The following RABEP1 variants were observed in gnomAD, a reference collection of about 807,000 sequenced individuals.
RABEP1 encodes the protein rabaptin, RAB GTPase binding effector protein 1, also known as rab GTPase-binding effector protein 1.
A neutral mutation model predicts 123.4 loss-of-function variants in RABEP1; 51 were observed. That is an observed-to-expected ratio of 0.41 (90% CI 0.33 to 0.52). The LOEUF (loss-of-function observed/expected upper bound fraction) is 0.52, where lower values mean the gene tolerates loss of function less well. RABEP1 is among the 20% of genes least tolerant of loss of function. The probability of loss-of-function intolerance (pLI) is 0.16; values close to 1 mark genes in which losing one functional copy is unlikely to be tolerated. For synonymous variants in RABEP1, 347 were observed against 355.2 expected (o/e 0.98, Z 0.26); for missense variants, 888 against 996.3 (o/e 0.89, Z 1.46).
chr17:5,377,594 T>C (rs1421836513), intron 14 of RABEP1, among the ~76,000 whole-genome samples: 1 of 150,696 alleles, frequency 6.6e-6, no homozygotes, highest in African/African-American at 2.4e-5. Flanking sequence ...TGGCGCGATC[T>C]TGGCTCACCG....
In RABEP1 at chr17:5,368,408, C is replaced by G; in HGVS notation, c.1824C>G (p.Ile608Met). ...ALVLRAQASE[I>M]LLEELQQGLS... The stretch of plus-strand genomic sequence containing the variant: ...TCCTAAGAGCCCAGGCCTCCGAGAT[C>G]TTACTTGAAGAGTTACAGCAGGGGC... The change falls in exon 12 of 18, where the codon ATC (isoleucine) becomes ATG (methionine). Residue 608 changes from isoleucine to methionine, a missense_variant. Coordinates refer to ENST00000537505, the MANE Select transcript of RABEP1 (RefSeq NM_004703.6). The G allele has an allele frequency of 6.2e-7, 1 of 1,613,960 alleles. No homozygotes were observed. Among genetic ancestry groups the G allele is most frequent in the Non-Finnish European group, 8.5e-7 (1 of 1,179,938 alleles).
intron 11 of RABEP1, among the ~76,000 whole-genome samples, chr17:5,367,604 G>A (rs531587293): frequency 1.3e-5 from 2 of 148,350 alleles, no homozygotes; most frequent in Non-Finnish European, 1.5e-5. Context: ...AGTATGGATA[G>A]CCAATTTCTG....
intron 13 of RABEP1, 56 bp downstream of exon 13, chr17:5,373,510 C>T (rs920971983): frequency 3.1e-5 from 47 of 1,517,592 alleles, no homozygotes; most frequent in Middle Eastern, 1.7e-4. Context: ...CTGAAATGGC[C>T]GTATGTTCTT....
At chr17:5,363,199 C>T (rs1909710019) in intron 10 of RABEP1, among the ~76,000 whole-genome samples, 183 bp downstream of exon 10, 1 of 148,850 alleles carries the variant, frequency 6.7e-6, no homozygotes, top group South Asian at 2.1e-4. Flanking sequence ...CACTAGGACT[C>T]TGCTTTTTTT....
rs1028130746 is a variant in RABEP1, at chr17:5,374,036, A to C, written c.2025+582A>C. ...TTGTATCTAGTACTTGAAAAGTTAT[A>C]ACACACTCACCATCATGCTGTCCAT... On this transcript the variant is annotated intron_variant, in intron 13 of 17. Transcript: ENST00000537505. Among the ~76,000 whole-genome samples the C allele has an allele frequency of 4.6e-5, 7 of 152,184 alleles. No homozygotes were observed. The East Asian group carries it at 1.4e-3, about 29-fold the overall frequency.
At position 5,361,395 on chromosome 17, in the gene RABEP1, C is replaced by T. The variant is rs777041142; in HGVS notation, c.1283C>T (p.Ala428Val). The T allele has an allele frequency of 9.9e-6, 16 of 1,614,144 alleles. No individual in the cohort carries two copies. Among genetic ancestry groups the T allele is most frequent in the Non-Finnish European group, 1.3e-5 (15 of 1,180,020 alleles). ...QSKALGYNYK[A>V]KSAGNLDESD... ...AAAGCTTTAGGCTATAACTACAAAG[C>T]AAAATCTGCTGGAAACCTGGACGAG... The change falls in exon 9 of 18, where the codon GCA (alanine) becomes GTA (valine). Residue 428 changes from alanine (A) to valine (V), a missense_variant. Physicochemically the swap from Ala to Val is moderately conservative, Grantham distance 64. Coordinates refer to ENST00000537505, the MANE Select transcript of RABEP1 (RefSeq NM_004703.6).
At chr17:5,288,124 A>C (rs1364840235) in intron 1 of RABEP1, among the ~76,000 whole-genome samples, 1 of 152,056 alleles carries the variant, frequency 6.6e-6, no homozygotes, top group African/African-American at 2.4e-5. Context: ...AGATGAACAC[A>C]ATGCTATGAA....
intron 1 of RABEP1, among the ~76,000 whole-genome samples, chr17:5,296,722 A>AT (rs1293804958): frequency 1.3e-5 from 2 of 152,098 alleles, no homozygotes; most frequent in Non-Finnish European, 2.9e-5. Context: ...CTATTGCATA[A>AT]TTTATTTTGT....
chr17:5,293,223 G>GTTGCAGTGAGCCGAGA (rs1025064738), intron 1 of RABEP1, among the ~76,000 whole-genome samples: 2 of 151,826 alleles, frequency 1.3e-5, no homozygotes, highest in African/African-American at 4.8e-5. Context: ...GGAGGTAGAG[G>GTTGCAGTGAGCCGAGA]TTGCAGTGAG....
chr17:5,287,911 C>CAAAAAAAAAAAAAAAAAAAAAAAAAA (rs200407464), intron 1 of RABEP1, among the ~76,000 whole-genome samples: 1 of 148,528 alleles, frequency 6.7e-6, no homozygotes. Flanking sequence ...GACCCTGTCT[C>CAAAAAAAAAAAAAAAAAAAAAAAAAA]AAAAAAAAAA....
rs376780265 is a variant in RABEP1, at chr17:5,377,165, G to A, written c.2075G>A (p.Arg692Gln). Reference sequence around the variant, plus strand: ...TACCGTGAGGACATCATTAATGTGCGGACAGCAGCAGACCACGTAGAAGAA... The same window carrying A: ...TACCGTGAGGACATCATTAATGTGCAGACAGCAGCAGACCACGTAGAAGAA... ...LKYREDIINV[R>Q]TAADHVEEKL... Residue 692 changes from arginine (R) to glutamine (Q), a missense_variant, in exon 14 of 18, where the codon CGG (arginine) becomes CAG (glutamine). Arg to Gln is a conservative substitution (Grantham distance 43, BLOSUM62 1). Coordinates refer to ENST00000537505, the MANE Select transcript of RABEP1 (RefSeq NM_004703.6). The A allele has an allele frequency of 1.9e-5, 30 of 1,610,922 alleles. 1 individual carries two copies. The highest frequency in any genetic ancestry group is 8.0e-5 in the African/African-American group (6 of 74,582).
intron 8 of RABEP1, among the ~76,000 whole-genome samples, chr17:5,357,619 C>T (rs1386390755): frequency 6.6e-6 from 1 of 152,184 alleles, no homozygotes; most frequent in Non-Finnish European, 1.5e-5. Context: ...GATTTGCCCA[C>T]CTCGGCCTCC....
intron 2 of RABEP1, 140 bp from the exon 3 acceptor site, chr17:5,331,809 G>C (rs1906571091): frequency 1.4e-6 from 1 of 709,456 alleles, no homozygotes. Context: ...GTGATACCCA[G>C]CTTACCTTAA....
At chr17:5,382,466 G>A (rs1911557110) in intron 17 of RABEP1, among the ~76,000 whole-genome samples, 1 of 151,548 alleles carries the variant, frequency 6.6e-6, no homozygotes, top group Non-Finnish European at 1.5e-5. Flanking sequence ...ATCCTAGTCT[G>A]GGCCAGGCAT....
chr17:5,360,073 C>T (rs972546631), intron 8 of RABEP1, among the ~76,000 whole-genome samples: 4 of 152,194 alleles, frequency 2.6e-5, no homozygotes, highest in African/African-American at 9.7e-5. Flanking sequence ...CCAAAGGAGA[C>T]CTCATAACCC....
intron 1 of RABEP1, among the ~76,000 whole-genome samples, chr17:5,285,448 A>G (rs912143570): frequency 9.9e-5 from 15 of 151,824 alleles, no homozygotes; most frequent in Middle Eastern, 3.2e-3. Context: ...ATTATTTTTT[A>G]TTCTTGCCAT....
chr17:5,373,305 C>A lies in RABEP1; in HGVS notation c.1885-9C>A, dbSNP rs369826730. The A allele has an allele frequency of 2.5e-6, 4 of 1,609,824 alleles. No individual in the cohort carries two copies. The highest frequency in any genetic ancestry group is 3.4e-6 in the Non-Finnish European group (4 of 1,178,232). On this transcript the variant is annotated splice_polypyrimidine_tract_variant and intron_variant, in intron 12 of 17. Transcript: ENST00000537505. ...TTCTGGCTGTGATTAGTATCTACTT[C>A]TATTTTAGGCGGTGCTGATGCAGTC...
chr17:5,331,089 G>C (rs1204384323), intron 2 of RABEP1, among the ~76,000 whole-genome samples: 1 of 96,862 alleles, frequency 1.0e-5, no homozygotes, highest in South Asian at 3.6e-4. Context: ...GAAAAGTTTT[G>C]TAAGAGAAGA....
chr17:5,308,674 C>T lies in RABEP1; in HGVS notation c.35-20C>T, dbSNP rs1377006930. The T allele has an allele frequency of 6.3e-7, 1 of 1,598,892 alleles. No individual in the cohort carries two copies. The highest frequency in any genetic ancestry group is 1.8e-5 in the Admixed American group (1 of 56,932). On this transcript the variant is annotated intron_variant, in intron 1 of 17. Coordinates refer to ENST00000537505, the MANE Select transcript of RABEP1 (RefSeq NM_004703.6). ...ATGAATAAAAGTTATTACTTGTTAACTAGTGTTTTTTTCCCCCAGTTTCTC... is the reference window on the plus strand; with the variant it reads ...ATGAATAAAAGTTATTACTTGTTAATTAGTGTTTTTTTCCCCCAGTTTCTC...
Sources: allele counts gnomAD v4.1 joint callset (sites outside exome capture counted in the v4.1 genomes callset), GRCh38; gene constraint gnomAD v4.1.1; transcripts MANE v1.5; gene names NCBI Gene and HGNC (gene_info 2026-07-23, HGNC 2026-07-21).